TEX36: variants seen among roughly 807,000 people sequenced by gnomAD.
TEX36 encodes the protein testis expressed 36.
A neutral mutation model predicts 13.6 loss-of-function variants in TEX36; 12 were observed. The ratio of observed to expected loss-of-function variants is 0.88; its 90% CI spans 0.56 to 1.43. The LOEUF (loss-of-function observed/expected upper bound fraction) is 1.43. Among genes scored for constraint, TEX36 ranks in the 40% most tolerant of loss-of-function variants. The pLI is 0.00. For missense variants in TEX36, 224 were observed against 228.3 expected (o/e 0.98, Z 0.12); for synonymous variants, 93 against 83.0 (o/e 1.12, Z -0.65).
chr10:125,638,860 G>C (rs1315027949), intron 3 of TEX36, among the ~76,000 whole-genome samples: 1 of 152,226 alleles, frequency 6.6e-6, no homozygotes, highest in Non-Finnish European at 1.5e-5. Flanking sequence ...GAGACTTCAT[G>C]TTCCCAAATC....
At chr10:125,620,771 C>T (rs752804184), downstream of TEX36, among the ~76,000 whole-genome samples, 85 of 152,244 alleles carry the variant, frequency 5.6e-4, no homozygotes, top group Non-Finnish European at 8.8e-4. Flanking sequence ...CCCATTAAAC[C>T]GTAACTCCTC....
chr10:125,664,550 C>T (rs1433934031), intron 1 of TEX36, among the ~76,000 whole-genome samples: 1 of 152,080 alleles, frequency 6.6e-6, no homozygotes, highest in Non-Finnish European at 1.5e-5. Flanking sequence ...CGGATTTCCC[C>T]CTTGCTGTTT....
intron 3 of TEX36, among the ~76,000 whole-genome samples, chr10:125,595,694 A>G (rs1397419967): frequency 1.3e-5 from 2 of 151,982 alleles, no homozygotes; most frequent in East Asian, 3.9e-4. Context: ...TGATACTCAC[A>G]TGGCTCACTC....
At chr10:125,589,296 T>A (rs1281348380) in intron 3 of TEX36, among the ~76,000 whole-genome samples, 1 of 152,230 alleles carries the variant, frequency 6.6e-6, no homozygotes, top group African/African-American at 2.4e-5. Context: ...AGCTAAAACA[T>A]CTGCAAATAA....
At position 125,655,729 on chromosome 10, in the gene TEX36, C is replaced by T. The variant is rs780415139; in HGVS notation, c.*171G>A. The T allele has an allele frequency of 6.1e-6, 8 of 1,322,236 alleles. 1 individual carries two copies. Among genetic ancestry groups the T allele is most frequent in the South Asian group, 4.8e-5 (2 of 41,846 alleles). 81.9% of individuals were successfully genotyped at this position (1,322,236 alleles called of 1,614,324 possible). A position where few individuals can be genotyped will look rare whatever the true frequency, so the allele number is the denominator to read the frequency against. On this transcript the variant is annotated 3_prime_UTR_variant, in exon 4 of 4. Coordinates refer to ENST00000368821, the MANE Select transcript of TEX36 (RefSeq NM_001128202.3). ...CATCTGAAAAGTTTATTTACACATG[C>T]GTATGTCATCACAAATTCATTTCAC... is the stretch of plus-strand genomic sequence containing the variant.
intron 3 of TEX36, among the ~76,000 whole-genome samples, chr10:125,644,197 T>A (rs1466362898): frequency 6.6e-6 from 1 of 152,192 alleles, no homozygotes; most frequent in Non-Finnish European, 1.5e-5. Context: ...AATAACAGAA[T>A]GGATCATTGA....
intron 3 of TEX36, among the ~76,000 whole-genome samples, chr10:125,660,067 AT>A (rs1158568270): frequency 6.6e-6 from 1 of 152,152 alleles, no homozygotes; most frequent in Non-Finnish European, 1.5e-5. Flanking sequence ...TATCTCATTA[AT>A]TTTTTATATT....
rs78533814 is a variant in TEX36, at chr10:125,642,169, G to C, written c.264+18852C>G. On this transcript the variant is annotated intron_variant, in intron 3 of 3. Coordinates refer to the TEX36 transcript ENST00000526819. ...AGAAGGCTCCACAAGTGAGGATTTT[G>C]TGAGGACTCCCTGGGAGAAGAAAAG... is the stretch of plus-strand genomic sequence containing the variant. Among the ~76,000 whole-genome samples, 614 of 152,318 alleles carry C rather than the reference G, an allele frequency of 4.0e-3. 12 individuals are homozygous for C. Among genetic ancestry groups the C allele is most frequent in the African/African-American group, 0.014 (584 of 41,570 alleles).
In TEX36 at chr10:125,614,206, G is replaced by A. The variant is rs1250064647; in HGVS notation, c.265-37332C>T. Reference sequence around the variant, plus strand: ...GCCCTTTGTCAGATGAGTAGGTTGCGAAAATTTTCTCCCATTTTGTAGGTT... The same window carrying A: ...GCCCTTTGTCAGATGAGTAGGTTGCAAAAATTTTCTCCCATTTTGTAGGTT... On this transcript the variant is annotated intron_variant, in intron 3 of 3. Transcript: ENST00000532135. 5.9e-5 allele frequency among the ~76,000 whole-genome samples: 9 copies of A among 152,204 alleles called. 1 individual carries two copies. The highest frequency in any genetic ancestry group is 1.2e-4 in the African/African-American group (5 of 41,532).
intron 3 of TEX36, among the ~76,000 whole-genome samples, chr10:125,604,523 A>G (rs898884089): frequency 1.3e-5 from 2 of 151,840 alleles, no homozygotes; most frequent in Non-Finnish European, 2.9e-5. Context: ...CACATAAAGA[A>G]AAAAAGAGAG....
At chr10:125,665,054 T>C (rs2133599783) in intron 1 of TEX36, among the ~76,000 whole-genome samples, 1 of 152,324 alleles carries the variant, frequency 6.6e-6, no homozygotes, top group South Asian at 2.1e-4. Context: ...GCTCACTTTT[T>C]AATGGAATTA....
chr10:125,644,438 AAC>A (rs1321535415), intron 3 of TEX36, among the ~76,000 whole-genome samples: 4 of 152,168 alleles, frequency 2.6e-5, no homozygotes, highest in African/African-American at 7.2e-5. Flanking sequence ...AATAAAAAAA[AAC>A]AATACTGAAA....
At chr10:125,655,614 G>A, downstream of TEX36, 2 of 1,058,808 alleles carry the variant, frequency 1.9e-6, no homozygotes, top group Non-Finnish European at 2.3e-6. Flanking sequence ...GAGGACTTTT[G>A]TTTCCTCTGT....
At chr10:125,643,321 A>G (rs1173743265) in intron 3 of TEX36, among the ~76,000 whole-genome samples, 1 of 152,202 alleles carries the variant, frequency 6.6e-6, no homozygotes, top group Non-Finnish European at 1.5e-5. Flanking sequence ...GCTCACAGGT[A>G]AGCTATCAAG....
chr10:125,655,495 TGAAAAG>T (rs1846924242), downstream of TEX36, among the ~76,000 whole-genome samples: 2 of 152,200 alleles, frequency 1.3e-5, no homozygotes, highest in African/African-American at 4.8e-5. Flanking sequence ...ATAGTAATGT[TGAAAAG>T]TTTATGTGTT....
chr10:125,618,042 T>C (rs1274580485), downstream of TEX36, among the ~76,000 whole-genome samples: 2 of 152,214 alleles, frequency 1.3e-5, no homozygotes, highest in Non-Finnish European at 2.9e-5. Flanking sequence ...TCATTTCATC[T>C]TCCATCGCTG....
intron 3 of TEX36, among the ~76,000 whole-genome samples, chr10:125,587,567 A>G (rs943493100): frequency 2.0e-4 from 31 of 152,136 alleles, no homozygotes; most frequent in Admixed American, 1.3e-4. Flanking sequence ...TTGGCAGAGC[A>G]CCTGAAGTCA....
chr10:125,591,860 T>C (rs1307920974), intron 3 of TEX36, among the ~76,000 whole-genome samples: 1 of 151,994 alleles, frequency 6.6e-6, no homozygotes, highest in African/African-American at 2.4e-5. Context: ...GAATCATTAG[T>C]GCCCAACAGG....
At chr10:125,669,477 T>C (rs1847185682) in intron 1 of TEX36, among the ~76,000 whole-genome samples, 1 of 151,152 alleles carries the variant, frequency 6.6e-6, no homozygotes, top group South Asian at 2.1e-4. Context: ...TGAAACTTTG[T>C]CTCAAAAAAA....
Sources: gnomAD v4.1 joint callset for allele counts (sites outside exome capture counted in the v4.1 genomes callset) on GRCh38, gnomAD v4.1.1 for gene constraint, MANE v1.5 for transcripts, NCBI Gene and HGNC (gene_info 2026-07-23, HGNC 2026-07-21) for gene names.